The following EPHA3 variants were observed in gnomAD, a reference collection of about 807,000 sequenced individuals.
EPHA3 encodes the protein EPH receptor A3.
In EPHA3, 42 loss-of-function variants were observed where a neutral mutation model predicts 107.1. The ratio of observed to expected loss-of-function variants is 0.39; its 90% confidence interval spans 0.31 to 0.51. EPHA3 has a LOEUF of 0.51. EPHA3 is among the 20% of genes least tolerant of loss of function. The probability of loss-of-function intolerance (pLI) is 0.78; values close to 1 mark genes in which losing one functional copy is unlikely to be tolerated. For synonymous variants in EPHA3, 461 were observed against 424.8 expected, an observed-to-expected ratio of 1.09 and a Z score of -1.05; for missense variants, 1,183 against 1,211.2, an observed-to-expected ratio of 0.98 and a Z score of 0.35.
At position 89,152,448 on chromosome 3, in the gene EPHA3, G is replaced by A. The variant is rs556498345; in HGVS notation, c.153+25175G>A. On this transcript the variant is annotated intron_variant, in intron 2 of 16. Transcript: ENST00000336596. ...ACTTAGGGTCAAGACCATTCAAGAT[G>A]TCTAGGTGATTTTACTCATCTGTTG... is the stretch of plus-strand genomic sequence containing the variant. Among the ~76,000 whole-genome samples the A allele has an allele frequency of 8.5e-5, 13 of 152,108 alleles. No homozygotes were observed. In the East Asian group the frequency reaches 2.5e-3, roughly 30 times the overall value.
rs140674679 is a variant in EPHA3 at position 89,341,765 on chromosome 3, T to C, written c.981T>C (p.Ser327=). 4 of 1,609,150 alleles carry C rather than the reference T, an allele frequency of 2.5e-6. No individual in the cohort carries two copies. In the African/African-American group the frequency reaches 5.4e-5, roughly 22 times the overall value. Residue 327 remains serine (S), a synonymous_variant, in exon 5 of 17, where the codon TCT becomes TCC. Transcript: ENST00000336596. ...PPSMACTRPP[S]SPRNVISNIN... is the part of the protein sequence containing the mutation. ...TGAACTACTTTGCAGGACCTCCATC[T>C]TCACCAAGAAATGTTATCTCTAATA...
chr3:89,250,864 C>T (rs1705146226), intron 3 of EPHA3, among the ~76,000 whole-genome samples: 1 of 152,260 alleles, frequency 6.6e-6, no homozygotes, highest in Admixed American at 6.5e-5. Flanking sequence ...TTTATTTCCC[C>T]TTAATGAATG....
chr3:89,402,733 T>C (rs1399614951), intron 7 of EPHA3, among the ~76,000 whole-genome samples: 1 of 152,220 alleles, frequency 6.6e-6, no homozygotes, highest in Non-Finnish European at 1.5e-5. Flanking sequence ...TCTTGCTCTG[T>C]CGCCCAGGTG....
At chr3:89,204,448 C>T (rs1706049620) in intron 2 of EPHA3, among the ~76,000 whole-genome samples, 1 of 151,538 alleles carries the variant, frequency 6.6e-6, no homozygotes, top group East Asian at 2.0e-4. Context: ...CCTGACTCCT[C>T]GGCCACAAAT....
chr3:89,127,913 C>A (rs545646390), intron 2 of EPHA3, among the ~76,000 whole-genome samples: 1 of 152,060 alleles, frequency 6.6e-6, no homozygotes, highest in South Asian at 2.1e-4. Flanking sequence ...TATAATGAGG[C>A]TTTTATGGGA....
intron 3 of EPHA3, among the ~76,000 whole-genome samples, chr3:89,305,313 G>A (rs1475043953): frequency 3.3e-5 from 5 of 151,906 alleles, no homozygotes; most frequent in Non-Finnish European, 5.9e-5. Flanking sequence ...AAAATGTAAC[G>A]GCCAAGAAAA....
At chr3:89,194,027 A>T (rs1425237109) in intron 2 of EPHA3, among the ~76,000 whole-genome samples, 1 of 152,040 alleles carries the variant, frequency 6.6e-6, no homozygotes, top group Non-Finnish European at 1.5e-5. Context: ...ATTTGTAAAC[A>T]TATGATAATT....
chr3:89,411,165 C>CTT (rs539005634), intron 9 of EPHA3, among the ~76,000 whole-genome samples: 1 of 146,964 alleles, frequency 6.8e-6, no homozygotes, highest in African/African-American at 2.5e-5. Context: ...AATAGTATAG[C>CTT]TTTTTTTTTT....
At chr3:89,338,417 A>C (rs867807993) in intron 3 of EPHA3, among the ~76,000 whole-genome samples, 1 of 152,208 alleles carries the variant, frequency 6.6e-6, no homozygotes, top group African/African-American at 2.4e-5. Flanking sequence ...ATTGCTCAGC[A>C]TGATTTGTAT....
chr3:89,156,041 C>T (rs1559755967), intron 2 of EPHA3, among the ~76,000 whole-genome samples: 1 of 151,992 alleles, frequency 6.6e-6, no homozygotes, highest in African/African-American at 2.4e-5. Flanking sequence ...CTAGTAAACT[C>T]GGCCATTTGG....
chr3:89,327,788 C>T (rs188705651), intron 3 of EPHA3, among the ~76,000 whole-genome samples: 8 of 151,770 alleles, frequency 5.3e-5, no homozygotes, highest in East Asian at 3.9e-4. Context: ...ATACATGGTA[C>T]GGACACATAG....
chr3:89,414,299 A>C (rs1709207701), intron 10 of EPHA3, among the ~76,000 whole-genome samples: 1 of 151,724 alleles, frequency 6.6e-6, no homozygotes, highest in African/African-American at 2.4e-5. Context: ...TCTTCTAATT[A>C]TCTTAATTTC....
chr3:89,174,919 A>G (rs774882486), intron 2 of EPHA3, among the ~76,000 whole-genome samples: 4 of 152,048 alleles, frequency 2.6e-5, no homozygotes, highest in Non-Finnish European at 5.9e-5. Context: ...GGAAAAAAAA[A>G]GCATGAAACA....
chr3:89,220,599 A>G (rs1010182723), intron 3 of EPHA3, among the ~76,000 whole-genome samples: 4 of 152,174 alleles, frequency 2.6e-5, no homozygotes, highest in African/African-American at 9.7e-5. Context: ...AAGCATTTGG[A>G]GGTTGAGGGT....
At chr3:89,142,702 CA>C (rs1704456805) in intron 2 of EPHA3, among the ~76,000 whole-genome samples, 1 of 150,888 alleles carries the variant, frequency 6.6e-6, no homozygotes, top group African/African-American at 2.4e-5. Flanking sequence ...CAAAGTGCAC[CA>C]AAAAAAGAAG....
At chr3:89,413,435 C>A (rs2107522296) in intron 10 of EPHA3, among the ~76,000 whole-genome samples, 169 bp downstream of exon 10, 1 of 151,784 alleles carries the variant, frequency 6.6e-6, no homozygotes. Context: ...TTCAAAGGTG[C>A]CAGACTTACC....
At chr3:89,317,933 C>A (rs1318973565) in intron 3 of EPHA3, among the ~76,000 whole-genome samples, 1 of 151,726 alleles carries the variant, frequency 6.6e-6, no homozygotes, top group Non-Finnish European at 1.5e-5. Flanking sequence ...TGTCTTTTCT[C>A]ATTTTATAGC....
chr3:89,325,476 G>A (rs959902618), intron 3 of EPHA3, among the ~76,000 whole-genome samples: 2 of 152,098 alleles, frequency 1.3e-5, no homozygotes, highest in Non-Finnish European at 2.9e-5. Context: ...AACACTTAAT[G>A]TAGAAAAACA....
chr3:89,377,139 T>A (rs745318701), intron 5 of EPHA3, among the ~76,000 whole-genome samples: 7 of 152,092 alleles, frequency 4.6e-5, no homozygotes, highest in Non-Finnish European at 8.8e-5. Context: ...TTTTTTCTTA[T>A]CTGATTTCAT....
Sources: allele counts gnomAD v4.1 joint callset (sites outside exome capture counted in the v4.1 genomes callset), GRCh38; gene constraint gnomAD v4.1.1; transcripts MANE v1.5; gene names NCBI Gene and HGNC (gene_info 2026-07-23, HGNC 2026-07-21).